Variants in RNF10 observed in about 807,000 individuals in gnomAD.
RNF10 encodes ring finger protein 10, also known as E3 ubiquitin-protein ligase RNF10.
RNF10 carries 38 observed loss-of-function variants against 91.4 expected under a neutral mutation model. The observed-to-expected ratio is 0.42, with a 90% CI of 0.32 to 0.54. The LOEUF (loss-of-function observed/expected upper bound fraction) is 0.54. Ranked by LOEUF, RNF10 falls within the 20% of genes least tolerant of loss-of-function variation. RNF10 has a pLI of 0.16. For missense variants in RNF10, 945 were observed against 1,012.0 expected (o/e 0.93, Z 0.90); for synonymous variants, 364 against 366.3 (o/e 0.99, Z 0.07).
intron 2 of RNF10, among the ~76,000 whole-genome samples, chr12:120,552,013 C>CTT (rs111247951): frequency 5.4e-5 from 7 of 130,722 alleles, no homozygotes; most frequent in African/African-American, 1.4e-4. Context: ...ATGCTACATA[C>CTT]TTTTTTTTTT....
intron 3 of RNF10, chr12:120,554,379 T>G (rs1368286173): frequency 8.2e-6 from 2 of 244,796 alleles, no homozygotes; most frequent in African/African-American, 2.3e-5. Context: ...ACTAGCCATT[T>G]TCTGGGGTTC....
At chr12:120,563,314 T>C (rs768884209) in intron 8 of RNF10, 33 bp from the exon 9 acceptor site, 9 of 1,583,096 alleles carry the variant, frequency 5.7e-6, no homozygotes, top group Admixed American at 1.7e-5. Flanking sequence ...GCAGGAGATA[T>C]CCTTTCTGTT....
chr12:120,565,484 C>T lies in RNF10; in HGVS notation c.1840C>T (p.Arg614Ter). 5 of 1,613,968 alleles carry T rather than the reference C, an allele frequency of 3.1e-6. No homozygotes were observed. The highest frequency in any genetic ancestry group is 4.2e-6 in the Non-Finnish European group (5 of 1,179,992). ...AAAGAAGGCTCGGGAGGAACGCCGCCGAGAGCGCAGGATTGAGATAGAGGA... is the reference window on the plus strand; with the variant it reads ...AAAGAAGGCTCGGGAGGAACGCCGCTGAGAGCGCAGGATTGAGATAGAGGA... ...RQKKAREERR[R>*]ERRIEIEENK... The change falls in exon 12 of 17, where the codon CGA (arginine) becomes TGA (stop). Residue 614 changes from arginine (R) to a stop codon, truncating the protein, a stop_gained. Transcript: ENST00000325954. LOFTEE classifies it high-confidence loss of function.
At chr12:120,564,977 G>A in intron 10 of RNF10, 95 bp from the exon 11 acceptor site, 1 of 779,356 alleles carries the variant, frequency 1.3e-6, no homozygotes, top group Admixed American at 2.0e-5. Context: ...AGTGCTGGCT[G>A]TGTTATGTAT....
intron 6 of RNF10, among the ~76,000 whole-genome samples, chr12:120,559,363 G>T (rs555098334): frequency 2.6e-3 from 389 of 150,168 alleles, no homozygotes; most frequent in Non-Finnish European, 4.3e-3. Flanking sequence ...TGTTTTTTTT[G>T]TGTGTGTGTG....
intron 1 of RNF10, among the ~76,000 whole-genome samples, chr12:120,542,525 G>A (rs1871721990): frequency 6.6e-6 from 1 of 151,954 alleles, no homozygotes. Flanking sequence ...TGAAGTAATA[G>A]GTAAAAGTTT....
intron 3 of RNF10, among the ~76,000 whole-genome samples, chr12:120,553,127 A>G (rs913526210): frequency 8.4e-6 from 1 of 118,658 alleles, no homozygotes. Flanking sequence ...TCTGCCACCC[A>G]GGCTAGAGTG....
Position 120,534,846 on chromosome 12 carries a change from C to T in RNF10, c.35C>T (p.Ala12Val), listed in dbSNP as rs769089899. 14 of 1,605,176 alleles carry T rather than the reference C, an allele frequency of 8.7e-6. No homozygotes were observed. The Admixed American group carries it at 2.3e-4, about 27-fold the overall frequency. ...AGCTCCCCCAACGCCGCCGCCACCG[C>T]CTCCGACATGGACAAGAACAGCGGC... ...PLSSPNAAAT[A>V]SDMDKNSGSN... The change falls in exon 1 of 17, where the codon GCC becomes GTC. Residue 12 changes from alanine to valine, a missense_variant. Ala to Val is a moderately conservative substitution (Grantham distance 64, BLOSUM62 0). Transcript: ENST00000325954.
At chr12:120,555,778 G>T (rs1873899060) in intron 4 of RNF10, among the ~76,000 whole-genome samples, 1 of 151,656 alleles carries the variant, frequency 6.6e-6, no homozygotes, top group Non-Finnish European at 1.5e-5. Context: ...TTACAGGCAT[G>T]AGCCATCGTA....
intron 13 of RNF10, among the ~76,000 whole-genome samples, chr12:120,568,191 G>T (rs1305630128): frequency 2.0e-5 from 3 of 151,870 alleles, no homozygotes; most frequent in Non-Finnish European, 4.4e-5. Context: ...GTTGCAGTGA[G>T]CCCAGATTGG....
chr12:120,559,371 G>T (rs1192254687), intron 6 of RNF10, among the ~76,000 whole-genome samples: 1 of 150,990 alleles, frequency 6.6e-6, no homozygotes, highest in Non-Finnish European at 1.5e-5. Context: ...TTGTGTGTGT[G>T]TGTTGTGCTT....
Position 120,565,150 on chromosome 12 carries a change from C to T in RNF10, c.1744C>T (p.Pro582Ser). Residue 582 changes from proline (P) to serine (S), a missense_variant, in exon 11 of 17, where the codon CCT becomes TCT. Coordinates refer to ENST00000325954, the MANE Select transcript of RNF10 (RefSeq NM_014868.5). Reference protein sequence around the residue: ...EFSICELALQPPVVSKETLEM... With the variant: ...EFSICELALQSPVVSKETLEM... ...CAGCATCTGTGAACTGGCTTTGCAA[C>T]CTCCTGTGGTCTCTAAGGAAACCCT... 1 of 1,613,626 alleles carries T rather than the reference C, an allele frequency of 6.2e-7. No homozygotes were observed. The highest frequency in any genetic ancestry group is 8.5e-7 in the Non-Finnish European group (1 of 1,179,556).
In RNF10 at chr12:120,542,372, G is replaced by A. The variant is rs867394636; in HGVS notation, c.158-4033G>A. Among the ~76,000 whole-genome samples, 76 of 151,206 alleles carry A rather than the reference G, an allele frequency of 5.0e-4. 1 individual carries two copies. The highest frequency in any genetic ancestry group is 1.6e-3 in the African/African-American group (65 of 41,146). On this transcript the variant is annotated intron_variant, in intron 1 of 16. Coordinates refer to ENST00000325954, the MANE Select transcript of RNF10 (RefSeq NM_014868.5). ...TCTTGCTATGTTGCCCAGGCTGGTCGCAAACTCGTGGACTCAAGTGATCCT... is the reference window on the plus strand; with the variant it reads ...TCTTGCTATGTTGCCCAGGCTGGTCACAAACTCGTGGACTCAAGTGATCCT...
intron 2 of RNF10, among the ~76,000 whole-genome samples, chr12:120,547,292 A>G (rs1872482513): frequency 6.6e-6 from 1 of 152,074 alleles, no homozygotes; most frequent in Admixed American, 6.6e-5. Context: ...AGCACACTAT[A>G]TGGTTGTTTT....
At chr12:120,542,271 A>C (rs1328977384) in intron 1 of RNF10, among the ~76,000 whole-genome samples, 1 of 151,850 alleles carries the variant, frequency 6.6e-6, no homozygotes, top group Non-Finnish European at 1.5e-5. Context: ...AATCCTTCCA[A>C]CTCAGCCTCT....
At chr12:120,570,939 C>G (rs1876522496) in intron 13 of RNF10, among the ~76,000 whole-genome samples, 1 of 152,180 alleles carries the variant, frequency 6.6e-6, no homozygotes, top group Non-Finnish European at 1.5e-5. Flanking sequence ...GGAGTAGATT[C>G]TACCATGACT....
chr12:120,539,266 G>T, intron 1 of RNF10: 3 of 502,618 alleles, frequency 6.0e-6, no homozygotes, highest in South Asian at 4.9e-5. Flanking sequence ...GAAGTCCTAG[G>T]CGGTATTTTT....
At position 120,563,935 on chromosome 12, in the gene RNF10, A is replaced by C. The variant is rs1284470817; in HGVS notation, c.1657A>C (p.Met553Leu). Residue 553 changes from methionine (M) to leucine (L), a missense_variant, in exon 10 of 17, where the codon ATG becomes CTG. Physicochemically the swap from Met to Leu is conservative, Grantham distance 15. Coordinates refer to ENST00000325954, the MANE Select transcript of RNF10 (RefSeq NM_014868.5). ...TGTGGTGGAGATTGCTGGCTACTCC[A>C]TGTCTGAGGTGAGGCCTTCCTGTAG... ...ATVVEIAGYS[M>L]SEDVRQRHRY... 1 of 1,614,178 alleles carries C rather than the reference A, an allele frequency of 6.2e-7. No homozygotes were observed. Among genetic ancestry groups the C allele is most frequent in the East Asian group, 2.2e-5 (1 of 44,886 alleles).
chr12:120,543,639 CAA>C (rs919806319), intron 1 of RNF10, among the ~76,000 whole-genome samples: 9 of 152,020 alleles, frequency 5.9e-5, no homozygotes, highest in African/African-American at 2.2e-4. Flanking sequence ...CCGTCTATAT[CAA>C]AAATATAAAT....
Sources: gnomAD v4.1 joint callset for allele counts (sites outside exome capture counted in the v4.1 genomes callset) on GRCh38, gnomAD v4.1.1 for gene constraint, MANE v1.5 for transcripts, NCBI Gene and HGNC (gene_info 2026-07-23, HGNC 2026-07-21) for gene names.